The following DENND2B variants were observed in gnomAD, a reference collection of about 807,000 sequenced individuals.
The protein encoded by DENND2B is DENN domain-containing protein 2B.
A neutral mutation model predicts 116.0 loss-of-function variants in DENND2B; 32 were observed. The ratio of observed to expected loss-of-function variants is 0.28; its 90% CI spans 0.21 to 0.37. The LOEUF is 0.37. Among genes scored for constraint, DENND2B ranks in the 10% least tolerant of loss-of-function variants. DENND2B has a pLI of 1.00. For synonymous variants in DENND2B, 588 were observed against 583.9 expected (o/e 1.01, Z -0.10); for missense variants, 1,276 against 1,477.7 (o/e 0.86, Z 2.24).
chr11:8,836,191 C>CAAAA (rs56816794), intron 4 of DENND2B, among the ~76,000 whole-genome samples: 1,505 of 133,020 alleles, frequency 0.011, 14 homozygotes, highest in Middle Eastern at 0.036. Flanking sequence ...ACTAAAAATA[C>CAAAA]AAAAAAAAAA....
intron 18 of DENND2B, 176 bp from the exon 19 acceptor site, chr11:8,695,725 T>C (rs532379905): frequency 9.9e-6 from 6 of 608,274 alleles, no homozygotes; most frequent in African/African-American, 3.7e-5. Context: ...AGGCGATCAT[T>C]AGTGACATCT....
chr11:8,890,470 C>T (rs539327502), intron 1 of DENND2B, among the ~76,000 whole-genome samples: 5 of 152,130 alleles, frequency 3.3e-5, no homozygotes, highest in African/African-American at 9.6e-5. Context: ...TTGAACCCAT[C>T]GAGAAGAAGC....
intron 1 of DENND2B, among the ~76,000 whole-genome samples, chr11:8,804,839 CA>C (rs1271347886): frequency 1.3e-5 from 2 of 152,052 alleles, no homozygotes; most frequent in East Asian, 3.9e-4. Context: ...CCACTGCGCC[CA>C]ACCAGCAGCT....
chr11:8,910,432 C>A (rs1378640770), intron 1 of DENND2B, among the ~76,000 whole-genome samples: 1 of 151,968 alleles, frequency 6.6e-6, no homozygotes, highest in African/African-American at 2.4e-5. Context: ...CTTCCTCTGT[C>A]GCCCAGGCTG....
chr11:8,856,516 C>T (rs1006372295), intron 3 of DENND2B, among the ~76,000 whole-genome samples: 6 of 152,156 alleles, frequency 3.9e-5, no homozygotes, highest in African/African-American at 1.4e-4. Flanking sequence ...TAGGCTTGAG[C>T]ACAACTTATC....
At chr11:8,910,371 G>C (rs892318351) in intron 1 of DENND2B, among the ~76,000 whole-genome samples, 1 of 151,470 alleles carries the variant, frequency 6.6e-6, no homozygotes, top group African/African-American at 2.4e-5. Context: ...AGAAAGAGGC[G>C]CGGGAGGCAC....
At chr11:8,910,920 C>A (rs1385058158) in exon 1 of DENND2B, 2 of 139,490 alleles carry the variant, frequency 1.4e-5, no homozygotes, top group Admixed American at 7.2e-5. Flanking sequence ...TCGACTCAGT[C>A]CTCAGCCCCC....
chr11:8,694,658 C>G (rs1403714651), intron 19 of DENND2B: 2 of 456,092 alleles, frequency 4.4e-6, no homozygotes, highest in Non-Finnish European at 8.8e-6. Flanking sequence ...ATAGATTCAA[C>G]CAACTGGAGA....
chr11:8,741,686 G>A (rs1293372578), intron 2 of DENND2B, among the ~76,000 whole-genome samples: 1 of 152,106 alleles, frequency 6.6e-6, no homozygotes, highest in Non-Finnish European at 1.5e-5. Flanking sequence ...TCAGGCCCAG[G>A]CCTAAAAAAA....
At chr11:8,880,396 C>T (rs926401861) in intron 2 of DENND2B, among the ~76,000 whole-genome samples, 1 of 123,492 alleles carries the variant, frequency 8.1e-6, no homozygotes, top group Non-Finnish European at 1.8e-5. Flanking sequence ...GTTTTTACTA[C>T]CAAATGTGAT....
intron 1 of DENND2B, chr11:8,766,726 C>A (rs545440961): frequency 3.7e-5 from 46 of 1,258,386 alleles, no homozygotes; most frequent in Non-Finnish European, 4.6e-5. Context: ...GACATCACAG[C>A]TGTTGATACA....
chr11:8,891,572 A>G (rs2064033704), intron 1 of DENND2B, among the ~76,000 whole-genome samples: 1 of 152,210 alleles, frequency 6.6e-6, no homozygotes, highest in African/African-American at 2.4e-5. Flanking sequence ...GAGAACAAAA[A>G]AAGGCAGGGG....
At chr11:8,793,675 C>G (rs755305460) in intron 1 of DENND2B, among the ~76,000 whole-genome samples, 9 of 152,180 alleles carry the variant, frequency 5.9e-5, no homozygotes, top group Non-Finnish European at 1.2e-4. Context: ...GCAATGAACA[C>G]TGGCATGCAA....
intron 1 of DENND2B, among the ~76,000 whole-genome samples, chr11:8,773,666 A>G (rs1056033129): frequency 6.6e-6 from 1 of 152,200 alleles, no homozygotes; most frequent in African/African-American, 2.4e-5. Flanking sequence ...GGAAGAAATA[A>G]TGTAGTCTGA....
At chr11:8,830,654 A>C (rs888194083) in intron 4 of DENND2B, 5 of 152,170 alleles carry the variant, frequency 3.3e-5, no homozygotes, top group African/African-American at 9.6e-5. Flanking sequence ...AGGAGAGAAG[A>C]GGTGGAATTA....
Position 8,707,229 on chromosome 11 carries a change from T to C in DENND2B, c.2431-4A>G. 1 of 1,608,404 alleles carries C rather than the reference T, an allele frequency of 6.2e-7. No homozygotes were observed. The highest frequency in any genetic ancestry group is 1.1e-5 in the South Asian group (1 of 90,398). ...GGCGCTCCACCTCATCTAGGACCTGTGCCCACCGCCAGCAGCCCAAAGAGG... is the reference window on the plus strand; with the variant it reads ...GGCGCTCCACCTCATCTAGGACCTGCGCCCACCGCCAGCAGCCCAAAGAGG... On this transcript the variant is annotated splice_region_variant and splice_polypyrimidine_tract_variant and intron_variant, in intron 12 of 19. Transcript: ENST00000313726. This position sits in a 1 kb window ranked among gnomAD's most constrained non-coding sequence, Gnocchi z 4.8.
chr11:8,875,619 G>C (rs1044767036), upstream of DENND2B, among the ~76,000 whole-genome samples: 2 of 151,818 alleles, frequency 1.3e-5, no homozygotes, highest in East Asian at 1.9e-4. Context: ...ATAGAGATAG[G>C]AGTCTCACTG....
Position 8,730,050 on chromosome 11 carries a change from G to A in DENND2B, c.1240C>T (p.Pro414Ser), listed in dbSNP as rs2133922870. 3 of 1,614,242 alleles carry A rather than the reference G, an allele frequency of 1.9e-6. No individual in the cohort carries two copies. Among genetic ancestry groups the A allele is most frequent in the South Asian group, 2.2e-5 (2 of 91,092 alleles). Residue 414 changes from proline to serine, a missense_variant, in exon 3 of 20, where the codon CCC (proline) becomes TCC (serine). Transcript: ENST00000313726. This position sits in a 1 kb window ranked among gnomAD's most constrained non-coding sequence, Gnocchi z 4.1. The stretch of plus-strand genomic sequence containing the variant: ...AAGGGAGGTGGAGCAGCAGGTGTGG[G>A]TGAAGGAGGTAGACCATTACTGGGC... ...SKPSNGLPPS[P>S]TPAAPPPLPS...
chr11:8,730,603 G>A lies in DENND2B; in HGVS notation c.687C>T (p.Ser229=). The change falls in exon 3 of 20, where the codon AGC becomes AGT. Residue 229 remains serine, a synonymous_variant. Transcript: ENST00000313726. This position sits in a 1 kb window ranked among gnomAD's most constrained non-coding sequence, Gnocchi z 4.1. The part of the protein sequence containing the change: ...TFDFKGLRRM[S]RTFSECSYPE... ...GGTAGGAACACTCGGAGAAGGTCCT[G>A]CTCATCCTCCGGAGGCCCTTGAAAT... 1 of 1,613,130 alleles carries A rather than the reference G, an allele frequency of 6.2e-7. No individual in the cohort carries two copies. The highest frequency in any genetic ancestry group is 8.5e-7 in the Non-Finnish European group (1 of 1,180,032).
Sources: gnomAD v4.1 joint callset for allele counts (sites outside exome capture counted in the v4.1 genomes callset) on GRCh38, gnomAD v4.1.1 for gene constraint, Gnocchi (gnomAD v3.1) non-coding constraint, MANE v1.5 for transcripts, NCBI Gene and HGNC (gene_info 2026-07-23, HGNC 2026-07-21) for gene names.